Variants in GPATCH2L observed in about 807,000 individuals in gnomAD.
The protein encoded by GPATCH2L is G patch domain-containing protein 2-like.
Under a neutral mutation model 57.4 loss-of-function variants are expected in GPATCH2L, and 31 were observed. The observed-to-expected ratio is 0.54, with a 90% CI of 0.41 to 0.73. GPATCH2L has a LOEUF of 0.73. GPATCH2L is among the 30% of genes least tolerant of loss of function. The probability of loss-of-function intolerance (pLI) is 0.00; values close to 1 mark genes in which losing one functional copy is unlikely to be tolerated. For synonymous variants in GPATCH2L, 199 were observed against 210.7 expected (o/e 0.94, Z 0.48); for missense variants, 481 against 599.9 (o/e 0.80, Z 2.07).
chr14:76,201,221 A>G (rs896529924), intron 9 of GPATCH2L, among the ~76,000 whole-genome samples: 29 of 151,998 alleles, frequency 1.9e-4, no homozygotes, highest in African/African-American at 6.8e-4. Context: ...AGAGTCCAGT[A>G]TGTGTGCTTG....
At chr14:76,178,385 A>C in intron 7 of GPATCH2L, 1 of 514,488 alleles carries the variant, frequency 1.9e-6, no homozygotes. Context: ...ACCTTATGTC[A>C]CCAGGAACCA....
chr14:76,194,389 T>A (rs1035255339), intron 8 of GPATCH2L, among the ~76,000 whole-genome samples: 1 of 152,192 alleles, frequency 6.6e-6, no homozygotes, highest in Non-Finnish European at 1.5e-5. Flanking sequence ...TTCTTTGCAT[T>A]CCTAAAGAAT....
chr14:76,178,525 AT>A (rs1437213040), intron 7 of GPATCH2L: 5 of 202,578 alleles, frequency 2.5e-5, no homozygotes, highest in African/African-American at 7.1e-5. Context: ...GTAATATATA[AT>A]GAAATAATTA....
chr14:76,219,613 A>C (rs751290271), intron 1 of GPATCH2L, among the ~76,000 whole-genome samples: 6 of 152,202 alleles, frequency 3.9e-5, no homozygotes, highest in African/African-American at 1.4e-4. Flanking sequence ...AGAAAGATGA[A>C]TCTCTAAGTA....
chr14:76,226,149 T>G (rs1309576123), intron 1 of GPATCH2L, among the ~76,000 whole-genome samples: 1 of 152,120 alleles, frequency 6.6e-6, no homozygotes, highest in Admixed American at 6.5e-5. Flanking sequence ...CATATATGCA[T>G]CAAAACATAT....
rs138802528 is a variant in GPATCH2L at position 76,219,949 on chromosome 14, T to TTAA, written c.66-9859_66-9858insTAA. ...TTAGAAAAGTGATTAGCTGCCCTGC[T>TTAA]GTCCTTGTGTGACTTAAGTTGGTAA... On this transcript the variant is annotated intron_variant and NMD_transcript_variant, in intron 1 of 3. Coordinates refer to the GPATCH2L transcript ENST00000556372. Among the ~76,000 whole-genome samples, 87 of 152,354 alleles carry TTAA rather than the reference T, an allele frequency of 5.7e-4. 1 individual carries two copies. The East Asian group carries it at 0.015, about 26-fold the overall frequency.
At chr14:76,232,831 G>A (rs1047223353) in intron 2 of GPATCH2L, among the ~76,000 whole-genome samples, 15 of 152,184 alleles carry the variant, frequency 9.9e-5, no homozygotes, top group Non-Finnish European at 2.1e-4. Context: ...GCTCACTCGA[G>A]CCTTGGCATC....
chr14:76,224,159 T>G (rs1421794091), intron 1 of GPATCH2L, among the ~76,000 whole-genome samples: 1 of 152,134 alleles, frequency 6.6e-6, no homozygotes, highest in Non-Finnish European at 1.5e-5. Flanking sequence ...TCCACTTACA[T>G]GAAATGTTCA....
chr14:76,222,631 T>C (rs2040520166), intron 1 of GPATCH2L, among the ~76,000 whole-genome samples: 1 of 147,844 alleles, frequency 6.8e-6, no homozygotes, highest in Admixed American at 6.7e-5. Context: ...AAAGAATAAA[T>C]AGAAAATTTG....
At position 76,180,806 on chromosome 14, in the gene GPATCH2L, G is replaced by A. The variant is rs376476893; in HGVS notation, c.1150G>A (p.Asp384Asn). The change falls in exon 8 of 10, where the codon GAT (aspartate) becomes AAT (asparagine). Residue 384 changes from aspartate to asparagine, a missense_variant. Asp to Asn is a conservative substitution (Grantham distance 23, BLOSUM62 1). Coordinates refer to ENST00000261530, the MANE Select transcript of GPATCH2L (RefSeq NM_017926.4). ...SPLYSLDVLA[D>N]ASHRRCSPAH... ...CCTTTACTCCCTGGATGTTCTTGCC[G>A]ATGCTTCTCACCGAAGGTGTTCACC... 2.5e-6 allele frequency: 4 copies of A among 1,613,450 alleles called. No homozygotes were observed. The highest frequency in any genetic ancestry group is 2.2e-5 in the South Asian group (2 of 91,064).
chr14:76,215,708 T>C (rs2040485228), downstream of GPATCH2L, among the ~76,000 whole-genome samples: 3 of 137,638 alleles, frequency 2.2e-5, no homozygotes, highest in South Asian at 4.7e-4. Context: ...TAGGTGGGAA[T>C]TGAACAATGA....
intron 8 of GPATCH2L, among the ~76,000 whole-genome samples, chr14:76,187,689 T>G (rs2039821325): frequency 6.6e-6 from 1 of 152,108 alleles, no homozygotes. Context: ...GAATGGGGTA[T>G]CCATCCCCTC....
rs1314116246 is a variant in GPATCH2L at position 76,187,547 on chromosome 14, T to TA, written c.1193+6699dup. ...TTAAAGAAAAAGTATAGAAAACAAATACCATTTTTACATTGAATTTTATTA... is the reference window on the plus strand; with the variant it reads ...TTAAAGAAAAAGTATAGAAAACAAATAACCATTTTTACATTGAATTTTATTA... On this transcript the variant is annotated intron_variant, in intron 8 of 9. Transcript: ENST00000261530. Among the ~76,000 whole-genome samples the TA allele has an allele frequency of 5.9e-5, 9 of 152,262 alleles. No individual in the cohort carries two copies. In the East Asian group the frequency reaches 1.5e-3, roughly 26 times the overall value.
chr14:76,163,550 A>G (rs1464376448), intron 2 of GPATCH2L, among the ~76,000 whole-genome samples: 1 of 152,198 alleles, frequency 6.6e-6, no homozygotes, highest in Non-Finnish European at 1.5e-5. Flanking sequence ...TATAAAATTT[A>G]GAGTGCTGTT....
At chr14:76,174,035 T>TAA (rs201039232) in intron 5 of GPATCH2L, 416 of 165,668 alleles carry the variant, frequency 2.5e-3, no homozygotes, top group East Asian at 3.6e-3. Context: ...TAGAATTCAT[T>TAA]AAAAAAAAAA....
At chr14:76,166,195 G>A (rs1436705105) in intron 2 of GPATCH2L, among the ~76,000 whole-genome samples, 1 of 152,138 alleles carries the variant, frequency 6.6e-6, no homozygotes, top group African/African-American at 2.4e-5. Flanking sequence ...CATAAGTTTT[G>A]TCATATTTTT....
intron 2 of GPATCH2L, among the ~76,000 whole-genome samples, chr14:76,160,209 C>T (rs533126760): frequency 6.6e-6 from 1 of 152,302 alleles, no homozygotes; most frequent in East Asian, 1.9e-4. Context: ...CACACCCTGC[C>T]TCAACCTGTA....
At chr14:76,231,888 C>T (rs1335170629) in intron 2 of GPATCH2L, among the ~76,000 whole-genome samples, 1 of 13,308 alleles carries the variant, frequency 7.5e-5, no homozygotes, top group Non-Finnish European at 2.6e-4. Flanking sequence ...ACATAGCCAT[C>T]CTCCCATATA....
Position 76,214,032 on chromosome 14 carries a change from C to A in GPATCH2L, c.*12181C>A, listed in dbSNP as rs1339447056. The A allele has an allele frequency of 6.6e-6, 1 of 152,108 alleles. No homozygotes were observed. Among genetic ancestry groups the A allele is most frequent in the Admixed American group, 6.5e-5 (1 of 15,272 alleles). The allele number at this position is 152,108 out of a possible 1,614,324, so 9.4% of individuals were successfully genotyped here. A position where few individuals can be genotyped will look rare whatever the true frequency, so the allele number is the denominator to read the frequency against. The stretch of plus-strand genomic sequence containing the variant: ...TTTAACAACTGGCAAGGCTAGTCCC[C>A]CTTATAATTTTTCCTATTGTGCTTC... On this transcript the variant is annotated 3_prime_UTR_variant, in exon 10 of 10. Transcript: ENST00000261530.
Sources: allele counts gnomAD v4.1 joint callset (sites outside exome capture counted in the v4.1 genomes callset), GRCh38; gene constraint gnomAD v4.1.1; transcripts MANE v1.5; gene names NCBI Gene and HGNC (gene_info 2026-07-23, HGNC 2026-07-21).